LAMA2: variants seen among roughly 807,000 people sequenced by gnomAD.
LAMA2 encodes the protein laminin subunit alpha-2.
LAMA2 carries 269 observed loss-of-function variants against 364.8 expected under a neutral mutation model. The observed-to-expected ratio is 0.74, with a 90% CI of 0.67 to 0.82. LAMA2 has a LOEUF of 0.82. LAMA2 is among the 40% of genes least tolerant of loss of function. The pLI is 0.00. For synonymous variants in LAMA2, 1,379 were observed against 1,370.6 expected (o/e 1.01, Z -0.14); for missense variants, 3,807 against 3,873.2 (o/e 0.98, Z 0.45).
At chr6:129,279,136 T>C (rs954264896) in intron 17 of LAMA2, among the ~76,000 whole-genome samples, 2 of 152,182 alleles carry the variant, frequency 1.3e-5, no homozygotes, top group African/African-American at 4.8e-5. Context: ...GAAAGATTAA[T>C]TGAGGGCATT....
At chr6:129,338,739 G>A (rs953742587) in intron 29 of LAMA2, among the ~76,000 whole-genome samples, 2 of 152,114 alleles carry the variant, frequency 1.3e-5, no homozygotes, top group South Asian at 2.1e-4. Flanking sequence ...TTAGGTCATC[G>A]GGGAATGTTT....
chr6:128,972,587 G>T (rs1451374981), intron 1 of LAMA2, among the ~76,000 whole-genome samples: 4 of 151,552 alleles, frequency 2.6e-5, no homozygotes, highest in Non-Finnish European at 5.9e-5. Context: ...AATCTTTTCT[G>T]GGGGTATTGA....
At position 129,184,043 on chromosome 6, in the gene LAMA2, G is replaced by A. The variant is rs138964661; in HGVS notation, c.1468-6162G>A. The stretch of plus-strand genomic sequence containing the variant: ...GGTATAATTATCACACTGAAGCCCT[G>A]TACAAGTATAAAGTATAACCATAAA... On this transcript the variant is annotated intron_variant, in intron 10 of 64. Coordinates refer to ENST00000421865, the MANE Select transcript of LAMA2 (RefSeq NM_000426.4). Among the ~76,000 whole-genome samples, 995 of 152,014 alleles carry A rather than the reference G, an allele frequency of 6.5e-3. 8 individuals carry two copies. The highest frequency in any genetic ancestry group is 0.023 in the African/African-American group (955 of 41,530).
intron 32 of LAMA2, among the ~76,000 whole-genome samples, chr6:129,358,741 A>G (rs1355812666): frequency 6.6e-6 from 1 of 152,208 alleles, no homozygotes; most frequent in East Asian, 1.9e-4. Flanking sequence ...TAGGTGCTCA[A>G]TAAATTCTAG....
chr6:129,363,597 T>C (rs1319193858), intron 32 of LAMA2, among the ~76,000 whole-genome samples: 2 of 152,236 alleles, frequency 1.3e-5, no homozygotes, highest in Non-Finnish European at 2.9e-5. Context: ...GTCTGATTGC[T>C]ACTCAAAGTG....
chr6:129,077,472 T>A (rs1448914046), intron 3 of LAMA2, among the ~76,000 whole-genome samples: 1 of 152,132 alleles, frequency 6.6e-6, no homozygotes, highest in Non-Finnish European at 1.5e-5. Context: ...CTTTGCAGAT[T>A]TTTTTGTAAA....
In LAMA2 at chr6:129,460,339, G is replaced by T. The variant is rs756510181; in HGVS notation, c.6992+15G>T. Reference sequence around the variant, plus strand: ...TGCACTGTCAGGTTAGTTGAGATGAGAACTCTCCCAGGGTCTGTCCTGTGC... The same window carrying T: ...TGCACTGTCAGGTTAGTTGAGATGATAACTCTCCCAGGGTCTGTCCTGTGC... On this transcript the variant is annotated intron_variant, in intron 49 of 64. Transcript: ENST00000421865. 6.2e-7 allele frequency: 1 copy of T among 1,611,138 alleles called. No homozygotes were observed.
At chr6:129,446,515 G>T (rs1210117750) in intron 45 of LAMA2, among the ~76,000 whole-genome samples, 1 of 54,274 alleles carries the variant, frequency 1.8e-5, no homozygotes, top group African/African-American at 7.6e-5. Flanking sequence ...AAGGGGAGGA[G>T]AGGGGAGGGG....
intron 12 of LAMA2, among the ~76,000 whole-genome samples, chr6:129,200,185 T>C (rs1044028572): frequency 2.0e-5 from 3 of 149,248 alleles, no homozygotes; most frequent in African/African-American, 7.3e-5. Context: ...CATATACATG[T>C]GTATATATAC....
intron 34 of LAMA2, among the ~76,000 whole-genome samples, chr6:129,382,033 T>C (rs1680626697): frequency 6.6e-6 from 1 of 152,250 alleles, no homozygotes; most frequent in African/African-American, 2.4e-5. Context: ...CATTTAGTTC[T>C]ATTTAAAATC....
At chr6:129,044,399 A>G (rs967206956) in intron 1 of LAMA2, among the ~76,000 whole-genome samples, 1 of 152,134 alleles carries the variant, frequency 6.6e-6, no homozygotes, top group African/African-American at 2.4e-5. Context: ...TGAACATACT[A>G]CATTATTTGA....
intron 29 of LAMA2, among the ~76,000 whole-genome samples, chr6:129,330,218 C>T (rs1038086844): frequency 5.3e-5 from 8 of 151,856 alleles, no homozygotes; most frequent in African/African-American, 1.9e-4. Context: ...ATAAAGTGCA[C>T]AGTAAATATA....
chr6:129,108,114 C>A (rs10499150), intron 4 of LAMA2, among the ~76,000 whole-genome samples: 39,899 of 151,608 alleles, frequency 0.26, 5,995 homozygotes, highest in African/African-American at 0.42. Context: ...GATTTCTTAA[C>A]CTCTTTATCT....
intron 1 of LAMA2, among the ~76,000 whole-genome samples, chr6:128,950,455 A>C (rs1191656914): frequency 6.6e-6 from 1 of 152,140 alleles, no homozygotes; most frequent in African/African-American, 2.4e-5. Flanking sequence ...CGTGGGTAGA[A>C]CTTGAGTATC....
Position 128,929,667 on chromosome 6 carries a change from G to A in LAMA2, c.112+46310G>A, listed in dbSNP as rs1411920420. The A allele has an allele frequency of 2.1e-6, 3 of 1,424,490 alleles. No homozygotes were observed. The East Asian group carries it at 6.9e-5, about 33-fold the overall frequency. 88.2% of individuals were successfully genotyped at this position (1,424,490 alleles called of 1,614,324 possible). On this transcript the variant is annotated intron_variant, in intron 1 of 64. Transcript: ENST00000421865. Reference sequence around the variant, plus strand: ...AGTGATGCGGTCTCGGTTTGTCACTGAAGCCAACGCCAAGAAATCAAGGGC... The same window carrying A: ...AGTGATGCGGTCTCGGTTTGTCACTAAAGCCAACGCCAAGAAATCAAGGGC...
At chr6:128,980,485 G>A (rs1039536967) in intron 1 of LAMA2, among the ~76,000 whole-genome samples, 3 of 152,128 alleles carry the variant, frequency 2.0e-5, no homozygotes, top group Admixed American at 1.3e-4. Context: ...TTAATTTTCT[G>A]TGTGAAAAAT....
chr6:129,440,586 G>A (rs1359443698), intron 42 of LAMA2, among the ~76,000 whole-genome samples: 9 of 151,990 alleles, frequency 5.9e-5, no homozygotes, highest in Non-Finnish European at 1.2e-4. Flanking sequence ...GAATAGTCAC[G>A]TCACTACTTT....
chr6:129,154,973 G>C (rs990971443), intron 8 of LAMA2, among the ~76,000 whole-genome samples: 1 of 152,152 alleles, frequency 6.6e-6, no homozygotes, highest in African/African-American at 2.4e-5. Flanking sequence ...GCCTCTTAGA[G>C]AATTTCATAA....
intron 49 of LAMA2, among the ~76,000 whole-genome samples, chr6:129,462,228 T>C (rs900241967): frequency 7.9e-5 from 12 of 152,030 alleles, no homozygotes; most frequent in African/African-American, 2.7e-4. Flanking sequence ...CATAGGTTCA[T>C]ACACACTTCT....
Sources: gnomAD v4.1 joint callset for allele counts (sites outside exome capture counted in the v4.1 genomes callset) on GRCh38, gnomAD v4.1.1 for gene constraint, MANE v1.5 for transcripts, NCBI Gene and HGNC (gene_info 2026-07-23, HGNC 2026-07-21) for gene names.